Variants in TNS3 observed in about 807,000 individuals in gnomAD.
TNS3 encodes tensin-3.
Under a neutral mutation model 140.9 loss-of-function variants are expected in TNS3, and 45 were observed. The observed-to-expected ratio is 0.32, with a 90% CI of 0.25 to 0.41. TNS3 has a LOEUF of 0.41. TNS3 is among the 10% of genes least tolerant of loss of function. The pLI, the probability that TNS3 is intolerant of heterozygous loss-of-function variation, is 1.00. For synonymous variants in TNS3, 815 were observed against 788.4 expected (o/e 1.03, Z -0.56); for missense variants, 1,716 against 1,906.7 (o/e 0.90, Z 1.86).
intron 3 of TNS3, among the ~76,000 whole-genome samples, chr7:47,505,269 C>G (rs1275242572): frequency 8.5e-5 from 13 of 152,204 alleles, no homozygotes; most frequent in Admixed American, 7.9e-4. Flanking sequence ...GTACAATCTT[C>G]CCACTCACCA....
chr7:47,295,366 C>T (rs1455230952), intron 24 of TNS3, among the ~76,000 whole-genome samples: 1 of 152,166 alleles, frequency 6.6e-6, no homozygotes, highest in Non-Finnish European at 1.5e-5. Context: ...ATCCATCATT[C>T]CTCCTCTCCC....
intron 12 of TNS3, among the ~76,000 whole-genome samples, chr7:47,412,671 A>C (rs1176441231): frequency 6.6e-6 from 1 of 152,244 alleles, no homozygotes; most frequent in Non-Finnish European, 1.5e-5. Context: ...GTGAGATCCT[A>C]TCGTAGGACT....
At chr7:47,389,163 AAGCAGCAGAAGCAGAAGAAGC>A (rs1792355212) in intron 16 of TNS3, among the ~76,000 whole-genome samples, 3 of 10,050 alleles carry the variant, frequency 3.0e-4, no homozygotes, top group African/African-American at 5.6e-4. Flanking sequence ...GAAGCAGAAG[AAGCAGCAGAAGCAGAAGAAGC>A]AGAAGAAGAA....
Position 47,323,420 on chromosome 7 carries a change from A to C in TNS3, c.2651-18417T>G, listed in dbSNP as rs551971086. On this transcript the variant is annotated intron_variant, in intron 20 of 30. Transcript: ENST00000311160. Reference sequence around the variant, plus strand: ...AAATAAAGAAATCCAGAGATGAAGGAAAATGAAGAGATTTTGTTGTTTGCA... The same window carrying C: ...AAATAAAGAAATCCAGAGATGAAGGCAAATGAAGAGATTTTGTTGTTTGCA... Among the ~76,000 whole-genome samples, 12 of 152,366 alleles carry C rather than the reference A, an allele frequency of 7.9e-5. No individual in the cohort carries two copies. The South Asian group carries it at 2.3e-3, about 29-fold the overall frequency.
chr7:47,309,169 C>A (rs1256271217), intron 20 of TNS3, among the ~76,000 whole-genome samples: 1 of 152,188 alleles, frequency 6.6e-6, no homozygotes. Flanking sequence ...GGCTTGGAAG[C>A]CATTATTTCA....
chr7:47,391,577 C>A (rs12670539), intron 16 of TNS3, among the ~76,000 whole-genome samples: 1 of 152,040 alleles, frequency 6.6e-6, no homozygotes, highest in African/African-American at 2.4e-5. Context: ...CTGACACCGA[C>A]GCTCCAGAGA....
At chr7:47,540,635 G>A (rs1159164743) in intron 1 of TNS3, among the ~76,000 whole-genome samples, 1 of 152,228 alleles carries the variant, frequency 6.6e-6, no homozygotes, top group Non-Finnish European at 1.5e-5. Flanking sequence ...TACACGCAGT[G>A]TTAGGAGGGG....
At chr7:47,539,986 A>G (rs1414805544) in intron 1 of TNS3, among the ~76,000 whole-genome samples, 2 of 152,192 alleles carry the variant, frequency 1.3e-5, no homozygotes, top group African/African-American at 2.4e-5. Context: ...CTCCAGGCAC[A>G]GACCCTCACC....
In TNS3 at chr7:47,304,849, AG is replaced by A; in HGVS notation, c.2804del (p.Pro935LeufsTer70). 7.2e-7 allele frequency: 1 copy of A among 1,387,630 alleles called. No homozygotes were observed. The highest frequency in any genetic ancestry group is 1.9e-5 in the South Asian group (1 of 52,396). 86.0% of individuals were successfully genotyped at this position (1,387,630 alleles called of 1,614,324 possible). A position where few individuals can be genotyped will look rare whatever the true frequency, so the allele number is the denominator to read the frequency against. ...ASSCTISSNG[P>X]GQRRESSSSA... ...CTTCTTACCTCTCTCTCCTCTGCCC[AG>A]GGCCGTTGCTGGAAATGGTGCAGGA... On this transcript the variant is annotated frameshift_variant, in exon 21 of 31. Transcript: ENST00000311160. LOFTEE classifies it high-confidence loss of function.
intron 3 of TNS3, among the ~76,000 whole-genome samples, chr7:47,485,469 A>G (rs1797577329): frequency 6.6e-6 from 1 of 152,186 alleles, no homozygotes; most frequent in African/African-American, 2.4e-5. Flanking sequence ...TCCTCTCCTG[A>G]TAGGAGCTGC....
At chr7:47,487,323 C>T (rs2151813681) in intron 3 of TNS3, among the ~76,000 whole-genome samples, 1 of 151,444 alleles carries the variant, frequency 6.6e-6, no homozygotes, top group South Asian at 2.1e-4. Context: ...CTGAAGCGAG[C>T]ACCCTCAAGT....
chr7:47,279,266 G>T (rs980231434), intron 30 of TNS3: 6 of 152,274 alleles, frequency 3.9e-5, no homozygotes, highest in African/African-American at 1.2e-4. Context: ...ACCAGGCTGG[G>T]GGGATACAGC....
chr7:47,414,174 T>C (rs1430774447), intron 11 of TNS3, among the ~76,000 whole-genome samples, 177 bp from the exon 12 acceptor site: 2 of 152,106 alleles, frequency 1.3e-5, no homozygotes, highest in East Asian at 3.9e-4. Flanking sequence ...CCGGACCCGG[T>C]CCTAGAAGCC....
At chr7:47,403,861 C>T (rs1260003481) in intron 13 of TNS3, among the ~76,000 whole-genome samples, 1 of 152,192 alleles carries the variant, frequency 6.6e-6, no homozygotes, top group Non-Finnish European at 1.5e-5. Context: ...CAGAATTATG[C>T]TTGTAATACT....
chr7:47,314,375 G>A (rs925947991), intron 20 of TNS3, among the ~76,000 whole-genome samples: 3 of 152,182 alleles, frequency 2.0e-5, no homozygotes, highest in Non-Finnish European at 2.9e-5. Context: ...GCGAGGCAGC[G>A]GGAGCCTGGG....
chr7:47,345,560 A>T (rs1436562450), intron 18 of TNS3, among the ~76,000 whole-genome samples: 2 of 152,212 alleles, frequency 1.3e-5, no homozygotes, highest in African/African-American at 4.8e-5. Context: ...AACTTTGCCA[A>T]CTTGAAAAGA....
chr7:47,285,948 C>A (rs1222347505), intron 27 of TNS3, among the ~76,000 whole-genome samples: 2 of 152,176 alleles, frequency 1.3e-5, no homozygotes, highest in African/African-American at 4.8e-5. Context: ...AGAATAAAAA[C>A]CACGTCTGCT....
At chr7:47,447,203 T>C (rs991555172) in intron 4 of TNS3, among the ~76,000 whole-genome samples, 1 of 152,170 alleles carries the variant, frequency 6.6e-6, no homozygotes. Context: ...ATTCCTCAGA[T>C]AAAAAATTAG....
chr7:47,419,460 C>CCTAG (rs1246462333), intron 10 of TNS3, among the ~76,000 whole-genome samples: 1 of 152,246 alleles, frequency 6.6e-6, no homozygotes, highest in Non-Finnish European at 1.5e-5. Context: ...CCTTTAACCT[C>CCTAG]CTAGCTGCCC....
Sources: allele counts gnomAD v4.1 joint callset (sites outside exome capture counted in the v4.1 genomes callset), GRCh38; gene constraint gnomAD v4.1.1; transcripts MANE v1.5; gene names NCBI Gene and HGNC (gene_info 2026-07-23, HGNC 2026-07-21).